SLC30A10: variants seen among roughly 807,000 people sequenced by gnomAD.
SLC30A10 encodes the protein calcium/manganese antiporter SLC30A10.
SLC30A10 carries 8 observed loss-of-function variants against 21.7 expected under a neutral mutation model. The observed-to-expected ratio is 0.37, with a 90% CI of 0.22 to 0.67. The LOEUF (loss-of-function observed/expected upper bound fraction) is 0.67. Ranked by LOEUF, SLC30A10 falls within the 30% of genes least tolerant of loss-of-function variation. The pLI is 0.58. For synonymous variants in SLC30A10, 272 were observed against 279.4 expected, an observed-to-expected ratio of 0.97 and a Z score of 0.26; for missense variants, 521 against 642.5, an observed-to-expected ratio of 0.81 and a Z score of 2.04.
intron 1 of SLC30A10, among the ~76,000 whole-genome samples, chr1:219,942,132 G>A (rs150739004): frequency 1.3e-5 from 2 of 152,222 alleles, no homozygotes; most frequent in African/African-American, 4.8e-5. Context: ...CTGGGATAAG[G>A]TTTCAGACTT....
intron 1 of SLC30A10, among the ~76,000 whole-genome samples, chr1:219,948,593 C>T (rs1289907187): frequency 1.3e-5 from 2 of 152,234 alleles, no homozygotes; most frequent in East Asian, 1.9e-4. Flanking sequence ...CTTCCTTACA[C>T]CTTATACAAA....
At chr1:219,939,291 G>A (rs1660086111) in intron 1 of SLC30A10, among the ~76,000 whole-genome samples, 1 of 152,154 alleles carries the variant, frequency 6.6e-6, no homozygotes, top group Admixed American at 6.5e-5. Flanking sequence ...ACAGATCCAG[G>A]CAGCTATTAA....
intron 1 of SLC30A10, among the ~76,000 whole-genome samples, chr1:219,942,460 G>A (rs1340633681): frequency 1.3e-5 from 2 of 152,208 alleles, no homozygotes; most frequent in South Asian, 2.1e-4. Flanking sequence ...CCCCAAAGGC[G>A]ACAACAAGGA....
At chr1:219,928,567 GC>G, upstream of SLC30A10, 1 of 858,100 alleles carries the variant, frequency 1.2e-6, no homozygotes, top group Non-Finnish European at 1.6e-6. This position sits in a 1 kb window ranked among gnomAD's most constrained non-coding sequence, Gnocchi z 6.3. Context: ...TGTCTCGCCG[GC>G]CCTGCCCCAC....
chr1:219,922,173 TGTG>T (rs374781426), intron 2 of SLC30A10, among the ~76,000 whole-genome samples: 25,449 of 70,426 alleles, frequency 0.36, 4,390 homozygotes, highest in Non-Finnish European at 0.41. Context: ...TGTGTGTGTG[TGTG>T]TTTTTTTTTT....
chr1:219,933,774 T>C (rs1558256985), intron 1 of SLC30A10, among the ~76,000 whole-genome samples: 1 of 152,210 alleles, frequency 6.6e-6, no homozygotes, highest in Non-Finnish European at 1.5e-5. Context: ...AATACACATT[T>C]AAGAATTTGT....
Position 219,927,098 on chromosome 1 carries a change from G to A in SLC30A10, c.648C>T (p.Ser216=). ...ATVFANVAGD[S]FNTQNEPEDM... ...CTTCTGGCTCATTCTGGGTGTTGAAGGAATCACCTGCATTCAAAGAAGAAA... is the reference window on the plus strand; with the variant it reads ...CTTCTGGCTCATTCTGGGTGTTGAAAGAATCACCTGCATTCAAAGAAGAAA... The change falls in exon 2 of 4, where the codon TCC becomes TCT. Residue 216 remains serine, a synonymous_variant. Coordinates refer to ENST00000366926, the MANE Select transcript of SLC30A10 (RefSeq NM_018713.3). The A allele has an allele frequency of 6.2e-7, 1 of 1,613,844 alleles. No individual in the cohort carries two copies. Among genetic ancestry groups the A allele is most frequent in the East Asian group, 2.2e-5 (1 of 44,856 alleles).
At chr1:219,945,676 G>A (rs1660177523) in intron 1 of SLC30A10, among the ~76,000 whole-genome samples, 2 of 152,200 alleles carry the variant, frequency 1.3e-5, no homozygotes, top group Non-Finnish European at 2.9e-5. Flanking sequence ...AACTAGAAGA[G>A]ATAATGTTTG....
rs1240592515 is a variant in SLC30A10, at chr1:219,927,090, G to A, written c.656C>T (p.Thr219Ile). ...FANVAGDSFN[T>I]QNEPEDMMKK... is the part of the protein sequence containing the mutation. ...CATCATGTCTTCTGGCTCATTCTGG[G>A]TGTTGAAGGAATCACCTGCATTCAA... Residue 219 changes from threonine (T) to isoleucine (I), a missense_variant, in exon 2 of 4, where the codon ACC (threonine) becomes ATC (isoleucine). Thr to Ile is a moderately conservative substitution (Grantham distance 89). Transcript: ENST00000366926. 12 of 1,613,726 alleles carry A rather than the reference G, an allele frequency of 7.4e-6. No individual in the cohort carries two copies. Among genetic ancestry groups the A allele is most frequent in the South Asian group, 1.1e-5 (1 of 91,054 alleles).
intron 2 of SLC30A10, among the ~76,000 whole-genome samples, chr1:219,925,645 ATATATATTT>A (rs1413773495): frequency 7.0e-5 from 5 of 71,538 alleles, no homozygotes; most frequent in African/African-American, 2.5e-4. Flanking sequence ...ATATATATAT[ATATATATTT>A]TTTTTTTTTT....
chr1:219,948,437 G>T (rs1304189269), intron 1 of SLC30A10, among the ~76,000 whole-genome samples: 2 of 152,108 alleles, frequency 1.3e-5, no homozygotes, highest in East Asian at 3.8e-4. Flanking sequence ...GAACAGAACA[G>T]AGCCCTCAGA....
chr1:219,922,556 C>G (rs1307142754), intron 2 of SLC30A10, among the ~76,000 whole-genome samples: 1 of 152,060 alleles, frequency 6.6e-6, no homozygotes, highest in Non-Finnish European at 1.5e-5. Context: ...GGCTGACGTG[C>G]TAAATTTGGA....
chr1:219,949,237 C>G (rs28829630), intron 1 of SLC30A10, among the ~76,000 whole-genome samples: 43,429 of 151,918 alleles, frequency 0.29, 6,790 homozygotes, highest in East Asian at 0.4. Context: ...TACCATTTGA[C>G]CCAGCCATCC....
chr1:219,927,081 T>A lies in SLC30A10; in HGVS notation c.665A>T (p.Glu222Val). 1 of 1,614,134 alleles carries A rather than the reference T, an allele frequency of 6.2e-7. No individual in the cohort carries two copies. Among genetic ancestry groups the A allele is most frequent in the Non-Finnish European group, 8.5e-7 (1 of 1,180,006 alleles). Residue 222 changes from glutamate to valine, a missense_variant, in exon 2 of 4, where the codon GAG becomes GTG. Coordinates refer to ENST00000366926, the MANE Select transcript of SLC30A10 (RefSeq NM_018713.3). ...CTCTTTTTTCATCATGTCTTCTGGC[T>A]CATTCTGGGTGTTGAAGGAATCACC... The part of the protein sequence containing the change: ...VAGDSFNTQN[E>V]PEDMMKKEKK...
intron 1 of SLC30A10, among the ~76,000 whole-genome samples, chr1:219,953,604 A>G (rs1364119854): frequency 1.3e-5 from 2 of 150,950 alleles, no homozygotes; most frequent in Middle Eastern, 3.4e-3. Flanking sequence ...CTCCGTCTCA[A>G]AAAAAAAAGA....
At chr1:219,924,994 T>A (rs1010678669) in intron 2 of SLC30A10, among the ~76,000 whole-genome samples, 3 of 152,154 alleles carry the variant, frequency 2.0e-5, no homozygotes, top group African/African-American at 7.2e-5. Context: ...CACCGCACTA[T>A]TCACCTCTAT....
chr1:219,939,424 T>C (rs1278624460), intron 1 of SLC30A10, among the ~76,000 whole-genome samples: 2 of 152,068 alleles, frequency 1.3e-5, no homozygotes, highest in Non-Finnish European at 2.9e-5. Flanking sequence ...ATGGGTTTCT[T>C]TTTTTTCCTT....
chr1:219,953,363 G>A (rs569521596), intron 1 of SLC30A10, among the ~76,000 whole-genome samples: 3 of 152,126 alleles, frequency 2.0e-5, no homozygotes, highest in South Asian at 2.1e-4. Flanking sequence ...TTGGGAGGCC[G>A]AGGCGGGCAG....
Position 219,915,959 on chromosome 1 carries a change from G to T in SLC30A10, c.959-11C>A. ...CAGAGAGTTTACTCACTATAACAGA[G>T]AAGAGCAAACAAAAGCCAAGGTGAG... is the stretch of plus-strand genomic sequence containing the variant. On this transcript the variant is annotated splice_polypyrimidine_tract_variant and intron_variant, in intron 3 of 3. Transcript: ENST00000366926. The T allele has an allele frequency of 1.2e-6, 2 of 1,603,346 alleles. No individual in the cohort carries two copies. Among genetic ancestry groups the T allele is most frequent in the Non-Finnish European group, 1.7e-6 (2 of 1,174,106 alleles).
Sources: allele counts gnomAD v4.1 joint callset (sites outside exome capture counted in the v4.1 genomes callset), GRCh38; gene constraint gnomAD v4.1.1; non-coding constraint Gnocchi (gnomAD v3.1); transcripts MANE v1.5; gene names NCBI Gene and HGNC (gene_info 2026-07-23, HGNC 2026-07-21).